SLC29A3: variants seen among roughly 807,000 people sequenced by gnomAD.
SLC29A3 encodes the protein solute carrier family 29 member 3.
A neutral mutation model predicts 25.4 loss-of-function variants in SLC29A3; 18 were observed. The observed-to-expected ratio is 0.71, with a 90% confidence interval of 0.49 to 1.05. The LOEUF (loss-of-function observed/expected upper bound fraction) is 1.05. Among genes scored for constraint, SLC29A3 ranks in the 50% least tolerant of loss-of-function variants. SLC29A3 has a pLI of 0.00. For synonymous variants in SLC29A3, 258 were observed against 267.1 expected, an observed-to-expected ratio of 0.97 and a Z score of 0.33; for missense variants, 586 against 609.0, an observed-to-expected ratio of 0.96 and a Z score of 0.40.
intron 3 of SLC29A3, among the ~76,000 whole-genome samples, chr10:71,350,775 G>A (rs946305894): frequency 1.3e-5 from 2 of 152,178 alleles, no homozygotes; most frequent in South Asian, 2.1e-4. Flanking sequence ...TCCAGGGGAG[G>A]CAGTAGAGCA....
intron 2 of SLC29A3, among the ~76,000 whole-genome samples, chr10:71,325,817 C>T (rs892856312): frequency 1.3e-5 from 2 of 151,710 alleles, no homozygotes; most frequent in Non-Finnish European, 2.9e-5. Flanking sequence ...CCAAGCCCCT[C>T]GGGTGACTGA....
chr10:71,339,505 C>T (rs1198763070), intron 2 of SLC29A3, among the ~76,000 whole-genome samples: 1 of 152,142 alleles, frequency 6.6e-6, no homozygotes, highest in African/African-American at 2.4e-5. Flanking sequence ...TCAGAGGTGA[C>T]TGATGGGCCT....
intron 2 of SLC29A3, among the ~76,000 whole-genome samples, chr10:71,323,401 A>C (rs1845898030): frequency 6.6e-6 from 1 of 152,274 alleles, no homozygotes; most frequent in Non-Finnish European, 1.5e-5. Context: ...GTTCTATGGC[A>C]TTAGGAACCC....
Position 71,363,059 on chromosome 10 carries a change from TG to T in SLC29A3, c.*453del. 1 of 454,104 alleles carries T rather than the reference TG, an allele frequency of 2.2e-6. No homozygotes were observed. The highest frequency in any genetic ancestry group is 4.4e-6 in the Non-Finnish European group (1 of 226,718). 28.1% of individuals were successfully genotyped at this position (454,104 alleles called of 1,614,324 possible). A position where few individuals can be genotyped will look rare whatever the true frequency, so the allele number is the denominator to read the frequency against. Reference sequence around the variant, plus strand: ...TCTCCTTACCCTGAAGGGGTCTCCCTGGAATGGAAGTCCCCTGGCATGGTCA... The same window carrying T: ...TCTCCTTACCCTGAAGGGGTCTCCCTGAATGGAAGTCCCCTGGCATGGTCA... On this transcript the variant is annotated 3_prime_UTR_variant, in exon 6 of 6. Coordinates refer to ENST00000373189, the MANE Select transcript of SLC29A3 (RefSeq NM_018344.6).
At chr10:71,344,974 A>G (rs1443904789) in intron 3 of SLC29A3, among the ~76,000 whole-genome samples, 1 of 152,186 alleles carries the variant, frequency 6.6e-6, no homozygotes, top group East Asian at 1.9e-4. Context: ...ACCTGAGGTC[A>G]CTGATAGCAA....
intron 3 of SLC29A3, among the ~76,000 whole-genome samples, chr10:71,345,153 G>A (rs1034541022): frequency 3.3e-5 from 5 of 152,226 alleles, no homozygotes; most frequent in African/African-American, 1.2e-4. Flanking sequence ...TGCTGAGCCT[G>A]AATAGATCAG....
At chr10:71,358,698 G>A (rs946646999) in intron 5 of SLC29A3, among the ~76,000 whole-genome samples, 2 of 152,212 alleles carry the variant, frequency 1.3e-5, no homozygotes, top group Non-Finnish European at 2.9e-5. Context: ...TCTGTTTCCA[G>A]CAGGGTAGCC....
chr10:71,356,525 C>G (rs1260878763), intron 5 of SLC29A3, among the ~76,000 whole-genome samples: 1 of 152,192 alleles, frequency 6.6e-6, no homozygotes, highest in East Asian at 1.9e-4. Context: ...TGTCCTACCT[C>G]ATACAATGCT....
At chr10:71,360,920 ATG>A (rs1352826567) in intron 5 of SLC29A3, among the ~76,000 whole-genome samples, 2 of 152,218 alleles carry the variant, frequency 1.3e-5, no homozygotes, top group East Asian at 3.8e-4. Flanking sequence ...ATGCAATTTT[ATG>A]TATTCATTTA....
Position 71,341,093 on chromosome 10 carries a change from G to T in SLC29A3, c.301-3116G>T, listed in dbSNP as rs1470695589. On this transcript the variant is annotated intron_variant, in intron 2 of 5. Coordinates refer to ENST00000373189, the MANE Select transcript of SLC29A3 (RefSeq NM_018344.6). ...GATCTGTGGGCTCCTTCCAGCTCCT[G>T]CCTCTCATTGGTTAAAGTGGGTCTC... Among the ~76,000 whole-genome samples, 3 of 152,266 alleles carry T rather than the reference G, an allele frequency of 2.0e-5. No individual in the cohort carries two copies. The East Asian group carries it at 5.8e-4, about 30-fold the overall frequency.
downstream of SLC29A3, among the ~76,000 whole-genome samples, chr10:71,368,343 C>G (rs1226368097): frequency 1.3e-5 from 2 of 152,244 alleles, no homozygotes; most frequent in African/African-American, 2.4e-5. Flanking sequence ...CCTCAACAAA[C>G]TTGGTTTTCT....
chr10:71,323,150 C>A (rs1845892787), intron 2 of SLC29A3, 96 bp downstream of exon 2: 1 of 1,479,058 alleles, frequency 6.8e-7, no homozygotes, highest in Non-Finnish European at 9.4e-7. Context: ...ACATTTCCAG[C>A]CTTTAGATCA....
At chr10:71,343,590 G>A (rs1846472468) in intron 2 of SLC29A3, among the ~76,000 whole-genome samples, 1 of 152,166 alleles carries the variant, frequency 6.6e-6, no homozygotes, top group South Asian at 2.1e-4. Flanking sequence ...TTCCCTGTAG[G>A]GAGCAGGGCC....
Position 71,351,690 on chromosome 10 carries a change from G to T in SLC29A3, c.512G>T (p.Cys171Phe). 1 of 1,614,150 alleles carries T rather than the reference G, an allele frequency of 6.2e-7. No homozygotes were observed. The highest frequency in any genetic ancestry group is 8.5e-7 in the Non-Finnish European group (1 of 1,179,992). ...GGCTTTTTTGCGGTCACCATTGTCT[G>T]CATGGTGATCCTCAGCGGTGCCTCC... ...TRGFFAVTIVCMVILSGASTV... is the reference protein window; with the variant it reads ...TRGFFAVTIVFMVILSGASTV... The change falls in exon 4 of 6, where the codon TGC (cysteine) becomes TTC (phenylalanine). Residue 171 changes from cysteine (C) to phenylalanine (F), a missense_variant. Transcript: ENST00000373189.
intron 2 of SLC29A3, among the ~76,000 whole-genome samples, chr10:71,323,530 G>T (rs1438215090): frequency 6.6e-6 from 1 of 152,250 alleles, no homozygotes; most frequent in Non-Finnish European, 1.5e-5. Context: ...GGAAATGCCT[G>T]TTGCCTGTAC....
chr10:71,380,729 G>A (rs1253328801), exon 5 of SLC29A3: 1 of 152,160 alleles, frequency 6.6e-6, no homozygotes, highest in South Asian at 2.1e-4. Flanking sequence ...GAGGCTTAAG[G>A]ATGCCCCAAT....
At chr10:71,328,429 G>T (rs917312190) in intron 2 of SLC29A3, among the ~76,000 whole-genome samples, 3 of 152,186 alleles carry the variant, frequency 2.0e-5, no homozygotes, top group Non-Finnish European at 4.4e-5. Flanking sequence ...CCGAGCGCTG[G>T]CTGGGTGGGA....
intron 2 of SLC29A3, among the ~76,000 whole-genome samples, chr10:71,330,908 T>C (rs773669182): frequency 1.3e-5 from 2 of 152,088 alleles, no homozygotes; most frequent in Non-Finnish European, 2.9e-5. Context: ...ATACCCATTA[T>C]ACAGAGAAGG....
chr10:71,353,323 G>A (rs775807617), intron 4 of SLC29A3, among the ~76,000 whole-genome samples: 4 of 152,196 alleles, frequency 2.6e-5, no homozygotes, highest in Non-Finnish European at 5.9e-5. Flanking sequence ...GCTTTCAAAC[G>A]GGCATTTCTG....
Sources: allele counts gnomAD v4.1 joint callset (sites outside exome capture counted in the v4.1 genomes callset), GRCh38; gene constraint gnomAD v4.1.1; transcripts MANE v1.5; gene names NCBI Gene and HGNC (gene_info 2026-07-23, HGNC 2026-07-21).